SOX18: variants seen among roughly 807,000 people sequenced by gnomAD.
SOX18 encodes the protein transcription factor SOX-18.
SOX18 carries 2 observed loss-of-function variants against 9.1 expected under a neutral mutation model. That is an observed-to-expected ratio of 0.22 (90% confidence interval 0.09 to 0.69). SOX18 has a LOEUF of 0.69. Ranked by LOEUF, SOX18 falls within the 30% of genes least tolerant of loss-of-function variation. The pLI, the probability that SOX18 is intolerant of heterozygous loss-of-function variation, is 0.80. For synonymous variants in SOX18, 292 were observed against 280.5 expected (o/e 1.04, Z -0.41); for missense variants, 542 against 567.3 (o/e 0.96, Z 0.45).
Position 64,048,940 on chromosome 20 carries a change from G to A in SOX18, c.381C>T (p.Asn127=), listed in dbSNP as rs1347304728. Residue 127 remains asparagine, a synonymous_variant, in exon 2 of 2, where the codon AAC becomes AAT. Coordinates refer to ENST00000340356, the MANE Select transcript of SOX18 (RefSeq NM_018419.3). ...CCACGAAGGGCCGCTTCTCCGCCGC[G>A]TTCAGCTCCTTCCACGCTTTGCCTG... ...KMLGKAWKEL[N]AAEKRPFVEE... 10 of 1,593,542 alleles carry A rather than the reference G, an allele frequency of 6.3e-6. No homozygotes were observed. The highest frequency in any genetic ancestry group is 6.8e-6 in the Non-Finnish European group (8 of 1,175,448).
At chr20:64,049,101 C>T (rs1167214927) in intron 1 of SOX18, 58 bp downstream of exon 1, 2 of 996,358 alleles carry the variant, frequency 2.0e-6, no homozygotes, top group Non-Finnish European at 2.6e-6. Flanking sequence ...CCCCGCCCCA[C>T]CCCGGCCCGA....
intron 1 of SOX18, 32 bp from the exon 2 acceptor site, chr20:64,048,994 C>A: frequency 6.4e-7 from 1 of 1,553,428 alleles, no homozygotes; most frequent in Non-Finnish European, 8.6e-7. Flanking sequence ...GAGTGGAACG[C>A]CGTCGGGCGG....
At position 64,049,091 on chromosome 20, in the gene SOX18, C is replaced by CCA. The variant is rs1555924414; in HGVS notation, c.358+67_358+68insTG. 4 of 877,486 alleles carry CCA rather than the reference C, an allele frequency of 4.6e-6. 1 individual carries two copies. The highest frequency in any genetic ancestry group is 4.1e-5 in the South Asian group (1 of 24,156). The allele number at this position is 877,486 out of a possible 1,614,324, so 54.4% of individuals were successfully genotyped here. On this transcript the variant is annotated intron_variant, in intron 1 of 1. Coordinates refer to ENST00000340356, the MANE Select transcript of SOX18 (RefSeq NM_018419.3). ...CCCCGCGGCCCGGGACCCCTGCCCC[C>CCA]CCCGCCCCACCCCGGCCCGAGCCCC...
chr20:64,048,605 TC>T lies in SOX18; in HGVS notation c.715del (p.Asp239ThrfsTer127). On this transcript the variant is annotated frameshift_variant, in exon 2 of 2. Coordinates refer to ENST00000340356, the MANE Select transcript of SOX18 (RefSeq NM_018419.3). LOFTEE classifies it low-confidence loss of function (END_TRUNC). ...CGCGCGGAAGGGCCGCAGCGCGCAG[TC>T]CTCGGGCGCCGCGGGCGGTGGGAAG... ...AFFPPPAAPEDCALRPFRAPY... is the reference protein window; with the variant it reads ...AFFPPPAAPEXCALRPFRAPY... 8.0e-7 allele frequency: 1 copy of T among 1,250,572 alleles called. No individual in the cohort carries two copies. Among genetic ancestry groups the T allele is most frequent in the Non-Finnish European group, 1.0e-6 (1 of 1,000,680 alleles). 77.5% of individuals were successfully genotyped at this position (1,250,572 alleles called of 1,614,324 possible).
chr20:64,049,422 G>T lies in SOX18; in HGVS notation c.95C>A (p.Thr32Lys). ...GGCGGGGCCGGCGGCGAGGCCGCGC[G>T]TGTCAGCGGCGGCCCCGTGTCCCGG... ...WAPGHGAAAD[T>K]RGLAAGPAAL... The change falls in exon 1 of 2, where the codon ACG becomes AAG. Residue 32 changes from threonine to lysine, a missense_variant. Coordinates refer to ENST00000340356, the MANE Select transcript of SOX18 (RefSeq NM_018419.3). 1.0e-6 allele frequency: 1 copy of T among 993,206 alleles called. No individual in the cohort carries two copies. The highest frequency in any genetic ancestry group is 1.2e-6 in the Non-Finnish European group (1 of 836,950). 61.5% of individuals were successfully genotyped at this position (993,206 alleles called of 1,614,324 possible). A position where few individuals can be genotyped will look rare whatever the true frequency, so the allele number is the denominator to read the frequency against.
At position 64,048,115 on chromosome 20, in the gene SOX18, C is replaced by T. The variant is rs752196716; in HGVS notation, c.*51G>A. ...GCGGCAGCGACGCGGTCGGATCGGTCGCGGGGGCTGCGGGAGGAAGCGCTG... is the reference window on the plus strand; with the variant it reads ...GCGGCAGCGACGCGGTCGGATCGGTTGCGGGGGCTGCGGGAGGAAGCGCTG... On this transcript the variant is annotated 3_prime_UTR_variant, in exon 2 of 2. Coordinates refer to ENST00000340356, the MANE Select transcript of SOX18 (RefSeq NM_018419.3). 1 of 1,498,544 alleles carries T rather than the reference C, an allele frequency of 6.7e-7. No homozygotes were observed. The highest frequency in any genetic ancestry group is 9.0e-7 in the Non-Finnish European group (1 of 1,114,708). The allele number at this position is 1,498,544 out of a possible 1,614,324, so 92.8% of individuals were successfully genotyped here.
intron 1 of SOX18, 71 bp from the exon 2 acceptor site, chr20:64,049,033 G>A: frequency 6.8e-7 from 1 of 1,477,988 alleles, no homozygotes. Flanking sequence ...GTGCGCCCGG[G>A]ACGCCCCGCG....
Position 64,048,158 on chromosome 20 carries a change from C to T in SOX18, c.*8G>A, listed in dbSNP as rs939615384. The T allele has an allele frequency of 1.7e-5, 26 of 1,540,448 alleles. No individual in the cohort carries two copies. The highest frequency in any genetic ancestry group is 2.1e-5 in the Non-Finnish European group (24 of 1,148,040). On this transcript the variant is annotated 3_prime_UTR_variant, in exon 2 of 2. Transcript: ENST00000340356. ...AAGCGCTGCAGGGACCCGGGCGGCG[C>T]CGGCGGCCTAGCCGGAGATGCACGC...
rs985849086 is a variant in SOX18 at position 64,047,812 on chromosome 20, T to C, written c.*354A>G. The stretch of plus-strand genomic sequence containing the variant: ...AAAAGGGCAAAGTAAAAAATATTAA[T>C]ACAATCTGGTTGTAGAAAATACACT... On this transcript the variant is annotated 3_prime_UTR_variant, in exon 2 of 2. Transcript: ENST00000340356. The C allele has an allele frequency of 3.2e-6, 1 of 308,906 alleles. No homozygotes were observed. The highest frequency in any genetic ancestry group is 2.2e-5 in the African/African-American group (1 of 45,794). 19.1% of individuals were successfully genotyped at this position (308,906 alleles called of 1,614,324 possible). A position where few individuals can be genotyped will look rare whatever the true frequency, so the allele number is the denominator to read the frequency against.
Position 64,048,875 on chromosome 20 carries a change from T to C in SOX18, c.446A>G (p.His149Arg). Residue 149 changes from histidine to arginine, a missense_variant, in exon 2 of 2, where the codon CAC (histidine) becomes CGC (arginine). Transcript: ENST00000340356. ...ERLRVQHLRD[H>R]PNYKYRPRRK... is the part of the protein sequence containing the mutation. Reference sequence around the variant, plus strand: ...GCGCGGCCGGTACTTGTAGTTGGGGTGGTCGCGCAAGTGCTGCACGCGCAG... The same window carrying C: ...GCGCGGCCGGTACTTGTAGTTGGGGCGGTCGCGCAAGTGCTGCACGCGCAG... 6.3e-7 allele frequency: 1 copy of C among 1,593,910 alleles called. No individual in the cohort carries two copies. Among genetic ancestry groups the C allele is most frequent in the Non-Finnish European group, 8.5e-7 (1 of 1,175,212 alleles).
At position 64,048,329 on chromosome 20, in the gene SOX18, AGGTACT is replaced by A. The variant is rs2059406051; in HGVS notation, c.986_991del (p.Gln329_Tyr330del). On this transcript the variant is annotated inframe_deletion, in exon 2 of 2. Transcript: ENST00000340356. Reference sequence around the variant, plus strand: ...GTCGGGCCGAGTCCGGCTGCAGTTGAGGTACTGGTCGAACTCGGTGAGGTCCACGTC... The same window carrying A: ...GTCGGGCCGAGTCCGGCTGCAGTTGAGGTCGAACTCGGTGAGGTCCACGTC... 2 of 1,591,818 alleles carry A rather than the reference AGGTACT, an allele frequency of 1.3e-6. No homozygotes were observed. Among genetic ancestry groups the A allele is most frequent in the African/African-American group, 2.7e-5 (2 of 74,538 alleles).
At position 64,047,951 on chromosome 20, in the gene SOX18, G is replaced by A. The variant is rs576117566; in HGVS notation, c.*215C>T. ...ACACGTGGGAACTCCAGGCACCCTC[G>A]CAGGGGCCCCCCGAGGGCAGGTGGC... On this transcript the variant is annotated 3_prime_UTR_variant, in exon 2 of 2. Transcript: ENST00000340356. 1.2e-5 allele frequency: 7 copies of A among 603,114 alleles called. No homozygotes were observed. Among genetic ancestry groups the A allele is most frequent in the East Asian group, 8.6e-5 (3 of 34,956 alleles). 37.4% of individuals were successfully genotyped at this position (603,114 alleles called of 1,614,324 possible).
In SOX18 at chr20:64,049,202, C is replaced by T. The variant is rs751174689; in HGVS notation, c.315G>A (p.Gln105=). The change falls in exon 1 of 2, where the codon CAG becomes CAA. Residue 105 remains glutamine, a synonymous_variant. Transcript: ENST00000340356. ...WAKDERKRLA[Q]QNPDLHNAVL... ...CCGCGTTGTGCAGGTCCGGGTTCTG[C>T]TGAGCCAGCCGCTTGCGCTCGTCCT... 82 of 1,519,838 alleles carry T rather than the reference C, an allele frequency of 5.4e-5. 1 individual carries two copies. The highest frequency in any genetic ancestry group is 7.0e-5 in the Non-Finnish European group (79 of 1,127,680). 94.1% of individuals were successfully genotyped at this position (1,519,838 alleles called of 1,614,324 possible).
rs953379666 is a variant in SOX18, at chr20:64,047,817, T to C, written c.*349A>G. 10 of 329,174 alleles carry C rather than the reference T, an allele frequency of 3.0e-5. No individual in the cohort carries two copies. Among genetic ancestry groups the C allele is most frequent in the Admixed American group, 4.6e-5 (1 of 21,838 alleles). 20.4% of individuals were successfully genotyped at this position (329,174 alleles called of 1,614,324 possible). Reference sequence around the variant, plus strand: ...GGCAAAGTAAAAAATATTAATACAATCTGGTTGTAGAAAATACACTGCAAG... The same window carrying C: ...GGCAAAGTAAAAAATATTAATACAACCTGGTTGTAGAAAATACACTGCAAG... On this transcript the variant is annotated 3_prime_UTR_variant, in exon 2 of 2. Transcript: ENST00000340356.
chr20:64,048,316 C>T lies in SOX18; in HGVS notation c.1005G>A (p.Arg335=). Residue 335 remains arginine (R), a synonymous_variant, in exon 2 of 2, where the codon CGG becomes CGA. Transcript: ENST00000340356. ...GGAGCCCGGGGGCGTCGGGCCGAGT[C>T]CGGCTGCAGTTGAGGTACTGGTCGA... ...TEFDQYLNCS[R]TRPDAPGLPY... 6.3e-7 allele frequency: 1 copy of T among 1,592,226 alleles called. No homozygotes were observed. Among genetic ancestry groups the T allele is most frequent in the Non-Finnish European group, 8.5e-7 (1 of 1,171,090 alleles).
In SOX18 at chr20:64,049,266, C is replaced by T; in HGVS notation, c.251G>A (p.Arg84His). Residue 84 changes from arginine (R) to histidine (H), a missense_variant, in exon 1 of 2, where the codon CGC becomes CAC. Arg to His is a conservative substitution (Grantham distance 29). Transcript: ENST00000340356. ...RGERQAADES[R>H]IRRPMNAFMV... Reference sequence around the variant, plus strand: ...GAAGGCGTTCATGGGCCGCCGGATGCGCGACTCGTCTGCCGCCTGGCGTTC... The same window carrying T: ...GAAGGCGTTCATGGGCCGCCGGATGTGCGACTCGTCTGCCGCCTGGCGTTC... 4 of 1,517,356 alleles carry T rather than the reference C, an allele frequency of 2.6e-6. No homozygotes were observed. Among genetic ancestry groups the T allele is most frequent in the South Asian group, 1.2e-5 (1 of 86,072 alleles). 94.0% of individuals were successfully genotyped at this position (1,517,356 alleles called of 1,614,324 possible).
Position 64,048,976 on chromosome 20 carries a change from G to C in SOX18, c.359-14C>G, listed in dbSNP as rs532340917. The C allele has an allele frequency of 3.2e-6, 5 of 1,576,370 alleles. No homozygotes were observed. The South Asian group carries it at 4.5e-5, about 14-fold the overall frequency. ...TCCACGCTTTGCCTGCGGGCCGTGG[G>C]CGCCAGTGAGTGGAACGCCGTCGGG... On this transcript the variant is annotated splice_polypyrimidine_tract_variant and intron_variant, in intron 1 of 1. Coordinates refer to ENST00000340356, the MANE Select transcript of SOX18 (RefSeq NM_018419.3).
rs765551896 is a variant in SOX18 at position 64,049,288 on chromosome 20, G to C, written c.229C>G (p.Arg77Gly). The change falls in exon 1 of 2, where the codon CGC (arginine) becomes GGC (glycine). Residue 77 changes from arginine (R) to glycine (G), a missense_variant. Arg to Gly is a moderately radical substitution (Grantham distance 125). Coordinates refer to ENST00000340356, the MANE Select transcript of SOX18 (RefSeq NM_018419.3). Reference sequence around the variant, plus strand: ...ATGCGCGACTCGTCTGCCGCCTGGCGTTCCCCGCGGCCGGCCGGGCTGAGG... The same window carrying C: ...ATGCGCGACTCGTCTGCCGCCTGGCCTTCCCCGCGGCCGGCCGGGCTGAGG... The part of the protein sequence containing the change: ...YGLSPAGRGE[R>G]QAADESRIRR... 2 of 1,497,582 alleles carry C rather than the reference G, an allele frequency of 1.3e-6. No individual in the cohort carries two copies. Among genetic ancestry groups the C allele is most frequent in the East Asian group, 3.0e-5 (1 of 33,490 alleles). 92.8% of individuals were successfully genotyped at this position (1,497,582 alleles called of 1,614,324 possible). A position where few individuals can be genotyped will look rare whatever the true frequency, so the allele number is the denominator to read the frequency against.
Position 64,047,958 on chromosome 20 carries a change from C to A in SOX18, c.*208G>T, listed in dbSNP as rs565931310. ...GGAACTCCAGGCACCCTCGCAGGGGCCCCCCGAGGGCAGGTGGCCCAGAAG... is the reference window on the plus strand; with the variant it reads ...GGAACTCCAGGCACCCTCGCAGGGGACCCCCGAGGGCAGGTGGCCCAGAAG... On this transcript the variant is annotated 3_prime_UTR_variant, in exon 2 of 2. Coordinates refer to ENST00000340356, the MANE Select transcript of SOX18 (RefSeq NM_018419.3). 4.5e-4 allele frequency: 272 copies of A among 609,262 alleles called. 2 individuals are homozygous for A. The South Asian group carries it at 5.3e-3, about 12-fold the overall frequency. 37.7% of individuals were successfully genotyped at this position (609,262 alleles called of 1,614,324 possible). A position where few individuals can be genotyped will look rare whatever the true frequency, so the allele number is the denominator to read the frequency against.
Sources: gnomAD v4.1 joint callset for allele counts on GRCh38, gnomAD v4.1.1 for gene constraint, MANE v1.5 for transcripts, NCBI Gene and HGNC (gene_info 2026-07-23, HGNC 2026-07-21) for gene names.